The following SPAG6 variants were observed in gnomAD, a reference collection of about 807,000 sequenced individuals.
SPAG6 encodes the protein sperm-associated antigen 6.
Under a neutral mutation model 58.5 loss-of-function variants are expected in SPAG6, and 49 were observed. The ratio of observed to expected loss-of-function variants is 0.84; its 90% CI spans 0.67 to 1.06. The LOEUF (loss-of-function observed/expected upper bound fraction) is 1.06, where lower values mean the gene tolerates loss of function less well. Among genes scored for constraint, SPAG6 ranks in the 50% least tolerant of loss-of-function variants. The pLI is 0.00. For synonymous variants in SPAG6, 233 were observed against 225.6 expected (o/e 1.03, Z -0.29); for missense variants, 560 against 611.3 (o/e 0.92, Z 0.89).
At chr10:22,372,774 A>AG (rs1021613614) in intron 4 of SPAG6, among the ~76,000 whole-genome samples, 6 of 152,210 alleles carry the variant, frequency 3.9e-5, no homozygotes, top group Non-Finnish European at 7.3e-5. Flanking sequence ...AAAAAAAAAA[A>AG]AAAAGTGTTT....
At chr10:22,346,479 T>TTCTTCC (rs1836546552) in intron 2 of SPAG6, among the ~76,000 whole-genome samples, 1 of 141,502 alleles carries the variant, frequency 7.1e-6, no homozygotes, top group Admixed American at 6.8e-5. Context: ...CTTCTTCTTC[T>TTCTTCC]TCTTCTTCTT....
chr10:22,388,297 G>C (rs1161910305), intron 6 of SPAG6, among the ~76,000 whole-genome samples: 1 of 151,978 alleles, frequency 6.6e-6, no homozygotes, highest in Non-Finnish European at 1.5e-5. Context: ...GTTCCTCAGG[G>C]AGCAAAACTG....
chr10:22,345,724 G>A lies in SPAG6; in HGVS notation c.27G>A (p.Val9=), dbSNP rs1836502659. The change falls in exon 2 of 11, where the codon GTG becomes GTA. Residue 9 remains valine, a splice_region_variant and synonymous_variant. Coordinates refer to ENST00000376624, the MANE Select transcript of SPAG6 (RefSeq NM_012443.4). This position sits in a 1 kb window ranked among gnomAD's most constrained non-coding sequence, Gnocchi z 6.3. MSQRQVLQ[V]FEQYQKARTQ... ...CTCCACCGACTCTCTCTCCCGCAGT[G>A]TTCGAGCAATACCAGAAGGCCAGGA... The A allele has an allele frequency of 6.2e-7, 1 of 1,611,648 alleles. No homozygotes were observed. The highest frequency in any genetic ancestry group is 1.7e-5 in the Admixed American group (1 of 59,820).
intron 10 of SPAG6, chr10:22,412,448 A>G: frequency 6.6e-7 from 1 of 1,520,792 alleles, no homozygotes; most frequent in Non-Finnish European, 8.8e-7. Flanking sequence ...TACCCAGTAA[A>G]TTCTTTCCAG....
At chr10:22,365,652 T>A (rs781755997) in intron 3 of SPAG6, among the ~76,000 whole-genome samples, 10 of 152,212 alleles carry the variant, frequency 6.6e-5, no homozygotes, top group Non-Finnish European at 1.5e-4. Context: ...TTCTATTCTG[T>A]TAGTTTATCA....
chr10:22,364,835 T>C lies in SPAG6; in HGVS notation c.122-18T>C. 6.3e-7 allele frequency: 1 copy of C among 1,584,830 alleles called. No homozygotes were observed. The highest frequency in any genetic ancestry group is 1.8e-5 in the Admixed American group (1 of 54,802). ...ATTTAAATTTTCCTGATTTCTGTTCTTTCATAATTTAACTCAGGTGTAATG... is the reference window on the plus strand; with the variant it reads ...ATTTAAATTTTCCTGATTTCTGTTCCTTCATAATTTAACTCAGGTGTAATG... On this transcript the variant is annotated intron_variant, in intron 2 of 10. Transcript: ENST00000376624.
intron 4 of SPAG6, among the ~76,000 whole-genome samples, chr10:22,374,594 C>T (rs1010184715): frequency 5.5e-5 from 8 of 144,462 alleles, no homozygotes; most frequent in African/African-American, 2.1e-4. Flanking sequence ...ATAGTGAAAC[C>T]CTGTATGTAA....
In SPAG6 at chr10:22,402,570, A is replaced by G. The variant is rs75853034; in HGVS notation, c.1314+1293A>G. Among the ~76,000 whole-genome samples the G allele has an allele frequency of 9.4e-3, 1,426 of 152,328 alleles. 24 individuals carry two copies. Among genetic ancestry groups the G allele is most frequent in the African/African-American group, 0.033 (1,368 of 41,582 alleles). ...AGCCACAGGAAAGTAGAAGTTTCAC[A>G]TTGCTGAAGCCACTCACCCAGGCAG... is the stretch of plus-strand genomic sequence containing the variant. On this transcript the variant is annotated intron_variant, in intron 9 of 10. Transcript: ENST00000376624.
At chr10:22,361,977 T>C (rs1282308998) in intron 2 of SPAG6, among the ~76,000 whole-genome samples, 1 of 147,696 alleles carries the variant, frequency 6.8e-6, no homozygotes, top group Non-Finnish European at 1.5e-5. Context: ...ATATATCAAG[T>C]GGGCACATAA....
chr10:22,366,184 G>C (rs1009863944), intron 3 of SPAG6, among the ~76,000 whole-genome samples: 7 of 152,122 alleles, frequency 4.6e-5, no homozygotes, highest in Non-Finnish European at 1.0e-4. Context: ...ACAGATGAAC[G>C]GGTAAACAAA....
intron 4 of SPAG6, among the ~76,000 whole-genome samples, chr10:22,374,984 A>G (rs1369375166): frequency 2.0e-5 from 3 of 152,354 alleles, no homozygotes; most frequent in South Asian, 2.1e-4. Flanking sequence ...AACGCCTACA[A>G]TTCTTTTAGT....
intron 10 of SPAG6, 73 bp from the exon 11 acceptor site, chr10:22,416,546 C>A: frequency 1.2e-6 from 1 of 851,330 alleles, no homozygotes; most frequent in Middle Eastern, 3.0e-4. Flanking sequence ...CAGATAAATC[C>A]CCTATATTGA....
intron 4 of SPAG6, among the ~76,000 whole-genome samples, chr10:22,375,590 T>C (rs1237081029): frequency 1.3e-5 from 2 of 151,532 alleles, no homozygotes; most frequent in Non-Finnish European, 2.9e-5. Flanking sequence ...ATTTTCTTTT[T>C]TTTTTTTTTT....
At chr10:22,411,787 C>G (rs778600547) in intron 10 of SPAG6, 1 of 148,722 alleles carries the variant, frequency 6.7e-6, no homozygotes, top group Non-Finnish European at 1.5e-5. Flanking sequence ...AACTATTCCA[C>G]TAAACTCTAA....
intron 2 of SPAG6, among the ~76,000 whole-genome samples, chr10:22,349,464 A>T (rs949306247): frequency 6.6e-6 from 1 of 152,184 alleles, no homozygotes; most frequent in Non-Finnish European, 1.5e-5. Flanking sequence ...AATTTCAGCA[A>T]TTGGAGGTGT....
At chr10:22,411,496 A>G (rs1246643350) in intron 10 of SPAG6, 2 of 180,522 alleles carry the variant, frequency 1.1e-5, no homozygotes, top group African/African-American at 2.4e-5. Context: ...TAAAAGGCCT[A>G]TAGATTCTGA....
In SPAG6 at chr10:22,368,615, T is replaced by A; in HGVS notation, c.409T>A (p.Phe137Ile). 1 of 1,614,000 alleles carries A rather than the reference T, an allele frequency of 6.2e-7. No individual in the cohort carries two copies. The highest frequency in any genetic ancestry group is 1.1e-5 in the South Asian group (1 of 91,068). Residue 137 changes from phenylalanine (F) to isoleucine (I), a missense_variant, in exon 4 of 11, where the codon TTT (phenylalanine) becomes ATT (isoleucine). Coordinates refer to ENST00000376624, the MANE Select transcript of SPAG6 (RefSeq NM_012443.4). The stretch of plus-strand genomic sequence containing the variant: ...TACGCTGGTCATATGCTTGGAAGAT[T>A]TTGACCCTGGAGTCAAGGAGGCTGC... Reference protein sequence around the residue: ...LDTLVICLEDFDPGVKEAAAW... With the variant: ...LDTLVICLEDIDPGVKEAAAW...
intron 10 of SPAG6, among the ~76,000 whole-genome samples, chr10:22,415,903 A>G (rs2130657505): frequency 6.6e-6 from 1 of 152,234 alleles, no homozygotes; most frequent in South Asian, 2.1e-4. Flanking sequence ...TATTTCCATG[A>G]CGTATTAAGC....
intron 7 of SPAG6, 62 bp from the exon 8 acceptor site, chr10:22,391,667 A>G (rs1834186208): frequency 2.8e-6 from 4 of 1,452,512 alleles, no homozygotes; most frequent in South Asian, 1.2e-5. Flanking sequence ...TTTGAGAGAC[A>G]TGGAAGACTC....
Sources: allele counts gnomAD v4.1 joint callset (sites outside exome capture counted in the v4.1 genomes callset), GRCh38; gene constraint gnomAD v4.1.1; non-coding constraint Gnocchi (gnomAD v3.1); transcripts MANE v1.5; gene names NCBI Gene and HGNC (gene_info 2026-07-23, HGNC 2026-07-21).